The following FSCN1 variants were observed in gnomAD, a reference collection of about 807,000 sequenced individuals.
The protein encoded by FSCN1 is fascin actin-bundling protein 1.
In FSCN1, 10 loss-of-function variants were observed where a neutral mutation model predicts 39.7. The ratio of observed to expected loss-of-function variants is 0.25; its 90% confidence interval spans 0.16 to 0.43. The LOEUF (loss-of-function observed/expected upper bound fraction) is 0.43. Ranked by LOEUF, FSCN1 falls within the 20% of genes least tolerant of loss-of-function variation. FSCN1 has a pLI of 1.00. For synonymous variants in FSCN1, 322 were observed against 320.0 expected (o/e 1.01, Z -0.07); for missense variants, 525 against 723.8 (o/e 0.73, Z 3.15).
chr7:5,601,175 G>A (rs935707333), intron 1 of FSCN1, among the ~76,000 whole-genome samples: 1 of 148,340 alleles, frequency 6.7e-6, no homozygotes, highest in Non-Finnish European at 1.5e-5. Context: ...GAGGACATCT[G>A]TGCATGTTTC....
At chr7:5,596,697 C>A (rs1006595744) in intron 1 of FSCN1, among the ~76,000 whole-genome samples, 7 of 152,186 alleles carry the variant, frequency 4.6e-5, no homozygotes, top group African/African-American at 1.7e-4. Context: ...TTGGGACATG[C>A]CCTCTCCCAG....
chr7:5,604,581 G>A (rs1361537771), intron 4 of FSCN1, among the ~76,000 whole-genome samples: 1 of 152,026 alleles, frequency 6.6e-6, no homozygotes, highest in Non-Finnish European at 1.5e-5. Flanking sequence ...TGATTCTCCT[G>A]CCTCAGCCTC....
chr7:5,602,489 A>C (rs1040919796), intron 1 of FSCN1, among the ~76,000 whole-genome samples: 1 of 151,950 alleles, frequency 6.6e-6, no homozygotes, highest in African/African-American at 2.4e-5. Context: ...GTCCTTTTCT[A>C]TACCATTTTT....
chr7:5,604,076 G>A (rs1206106283), intron 4 of FSCN1, 46 bp downstream of exon 4: 16 of 1,584,096 alleles, frequency 1.0e-5, no homozygotes, highest in Non-Finnish European at 1.4e-5. Context: ...CCCCTCGGTC[G>A]GGGCTGGGGT....
Position 5,599,339 on chromosome 7 carries a change from C to T in FSCN1, c.833-3918C>T, listed in dbSNP as rs894561567. Among the ~76,000 whole-genome samples the T allele has an allele frequency of 5.9e-5, 9 of 152,142 alleles. No homozygotes were observed. The highest frequency in any genetic ancestry group is 2.2e-4 in the African/African-American group (9 of 41,436). ...ACAAGAGGGTGGGGCAGGGAAAGGG[C>T]GTGGCAAGAGGGCCACCCACCTCCG... On this transcript the variant is annotated intron_variant, in intron 1 of 4. Coordinates refer to ENST00000382361, the MANE Select transcript of FSCN1 (RefSeq NM_003088.4). This position sits in a 1 kb window ranked among gnomAD's most constrained non-coding sequence, Gnocchi z 5.6.
At chr7:5,594,045 AC>A (rs758470979) in intron 1 of FSCN1, 42,018 of 267,862 alleles carry the variant, frequency 0.16, 1,064 homozygotes, top group African/African-American at 0.27. Flanking sequence ...CACCCTCCTA[AC>A]CCCCCCCCCC....
chr7:5,594,885 G>A (rs1462304871), intron 1 of FSCN1: 1 of 152,114 alleles, frequency 6.6e-6, no homozygotes, highest in Non-Finnish European at 1.5e-5. Flanking sequence ...TCCCCTCCGG[G>A]GCCTCCTGCA....
intron 1 of FSCN1, among the ~76,000 whole-genome samples, chr7:5,597,130 C>T (rs1459635863): frequency 1.4e-5 from 2 of 141,292 alleles, no homozygotes; most frequent in Non-Finnish European, 3.1e-5. Flanking sequence ...AAGATGGCTT[C>T]GGCCAAGGAG....
chr7:5,598,285 G>T (rs2128549251), intron 1 of FSCN1, among the ~76,000 whole-genome samples: 1 of 152,360 alleles, frequency 6.6e-6, no homozygotes, highest in African/African-American at 2.4e-5. Flanking sequence ...CCAGTTCCAG[G>T]ATTGAACGCA....
At chr7:5,594,049 C>CG (rs1440058697) in intron 1 of FSCN1, 2 of 396,870 alleles carry the variant, frequency 5.0e-6, no homozygotes, top group Non-Finnish European at 8.9e-6. Flanking sequence ...CTCCTAACCC[C>CG]CCCCCCCGCC....
In FSCN1 at chr7:5,593,019, C is replaced by A; in HGVS notation, c.83C>A (p.Ala28Glu). The A allele has an allele frequency of 6.3e-7, 1 of 1,596,958 alleles. No homozygotes were observed. Among genetic ancestry groups the A allele is most frequent in the Admixed American group, 1.7e-5 (1 of 57,612 alleles). Residue 28 changes from alanine to glutamate, a missense_variant, in exon 1 of 5, where the codon GCG (alanine) becomes GAG (glutamate). Around this residue, in one of 3 missense-constraint regions of FSCN1, gnomAD observed 246 missense variants for 350.6 expected, o/e 0.70. Transcript: ENST00000382361. ...NCGNKYLTAE[A>E]FGFKVNASAS... ...GGCAACAAGTACCTGACGGCCGAGG[C>A]GTTCGGGTTCAAGGTGAACGCGTCC... is the stretch of plus-strand genomic sequence containing the variant.
chr7:5,603,397 T>G lies in FSCN1; in HGVS notation c.973T>G (p.Ser325Ala), dbSNP rs757583431. 7.4e-6 allele frequency: 12 copies of G among 1,613,370 alleles called. No homozygotes were observed. The highest frequency in any genetic ancestry group is 9.3e-6 in the Non-Finnish European group (11 of 1,179,974). The change falls in exon 2 of 5, where the codon TCC becomes GCC. Residue 325 changes from serine (S) to alanine (A), a missense_variant. Ser to Ala is a moderately conservative substitution (Grantham distance 99, BLOSUM62 1). This residue lies in a region of FSCN1 where 275 missense variants were observed against 351.9 expected (regional missense o/e 0.78). Transcript: ENST00000382361. This position sits in a 1 kb window ranked among gnomAD's most constrained non-coding sequence, Gnocchi z 8.5. ...WTLTATGGVQ[S>A]TASSKNASCY... ...GCTGACGGCCACCGGGGGCGTGCAG[T>G]CCACCGCCTCCAGCAAGTGAGTGCC...
chr7:5,592,978 C>G lies in FSCN1; in HGVS notation c.42C>G (p.Phe14Leu). ...NGTAEAVQIQFGLINCGNKYL... is the reference protein window; with the variant it reads ...NGTAEAVQIQLGLINCGNKYL... ...CAGCCGAGGCGGTGCAGATCCAGTT[C>G]GGCCTCATCAACTGCGGCAACAAGT... The change falls in exon 1 of 5, where the codon TTC becomes TTG. Residue 14 changes from phenylalanine to leucine, a missense_variant. By Grantham distance (22) the Phe-to-Leu change is conservative (BLOSUM62 0). Transcript: ENST00000382361. This position sits in a 1 kb window ranked among gnomAD's most constrained non-coding sequence, Gnocchi z 5.3. 1.3e-6 allele frequency: 2 copies of G among 1,589,492 alleles called. No homozygotes were observed. Among genetic ancestry groups the G allele is most frequent in the South Asian group, 2.3e-5 (2 of 88,190 alleles).
At chr7:5,598,917 G>A (rs916522186) in intron 1 of FSCN1, among the ~76,000 whole-genome samples, 3 of 152,230 alleles carry the variant, frequency 2.0e-5, no homozygotes, top group African/African-American at 7.2e-5. Flanking sequence ...AGACATGCAG[G>A]CCCTTCTGAG....
intron 1 of FSCN1, among the ~76,000 whole-genome samples, chr7:5,598,357 G>A (rs1785767823): frequency 6.6e-6 from 1 of 152,240 alleles, no homozygotes; most frequent in Non-Finnish European, 1.5e-5. Flanking sequence ...CTGGGCCCAG[G>A]AATGGCTGGG....
intron 4 of FSCN1, among the ~76,000 whole-genome samples, chr7:5,604,916 T>C (rs548528974): frequency 6.7e-6 from 1 of 149,998 alleles, no homozygotes; most frequent in Non-Finnish European, 1.5e-5. Context: ...GGTTTATAGG[T>C]GTGAGCCACC....
In FSCN1 at chr7:5,599,544, G is replaced by A. The variant is rs1365886005; in HGVS notation, c.833-3713G>A. ...CAGGATGGGGAGGCCGGGCGTGGTGGCTTACCCCTGTAATCCCAGCACTTT... is the reference window on the plus strand; with the variant it reads ...CAGGATGGGGAGGCCGGGCGTGGTGACTTACCCCTGTAATCCCAGCACTTT... On this transcript the variant is annotated intron_variant, in intron 1 of 4. Coordinates refer to ENST00000382361, the MANE Select transcript of FSCN1 (RefSeq NM_003088.4). This position sits in a 1 kb window ranked among gnomAD's most constrained non-coding sequence, Gnocchi z 5.6. Among the ~76,000 whole-genome samples the A allele has an allele frequency of 6.6e-6, 1 of 152,206 alleles. No individual in the cohort carries two copies. The highest frequency in any genetic ancestry group is 2.4e-5 in the African/African-American group (1 of 41,458).
intron 1 of FSCN1, chr7:5,594,046 C>T: frequency 8.7e-6 from 1 of 114,568 alleles, no homozygotes; most frequent in Non-Finnish European, 1.5e-5. Flanking sequence ...ACCCTCCTAA[C>T]CCCCCCCCCC....
At position 5,592,835 on chromosome 7, in the gene FSCN1, G is replaced by C. The variant is rs1483421089; in HGVS notation, c.-102G>C. ...GGCTTTGTGGAGCGCTGCGGAGGGT[G>C]CGTGCGGGCCGCGGCAGCCGAACAA... On this transcript the variant is annotated 5_prime_UTR_variant, in exon 1 of 5. Coordinates refer to ENST00000382361, the MANE Select transcript of FSCN1 (RefSeq NM_003088.4). This position sits in a 1 kb window ranked among gnomAD's most constrained non-coding sequence, Gnocchi z 5.3. 1 of 662,512 alleles carries C rather than the reference G, an allele frequency of 1.5e-6. No homozygotes were observed. Among genetic ancestry groups the C allele is most frequent in the Non-Finnish European group, 2.5e-6 (1 of 398,194 alleles). 41.0% of individuals were successfully genotyped at this position (662,512 alleles called of 1,614,324 possible).
Sources: gnomAD v4.1 joint callset for allele counts (sites outside exome capture counted in the v4.1 genomes callset) on GRCh38, gnomAD v4.1.1 for gene constraint, gnomAD v4.1.1 regional missense constraint, Gnocchi (gnomAD v3.1) non-coding constraint, MANE v1.5 for transcripts, NCBI Gene and HGNC (gene_info 2026-07-23, HGNC 2026-07-21) for gene names.